The following KDM5A variants were observed in gnomAD, a reference collection of about 807,000 sequenced individuals.
KDM5A encodes the protein lysine-specific demethylase 5A.
KDM5A carries 42 observed loss-of-function variants against 193.5 expected under a neutral mutation model. The observed-to-expected ratio is 0.22, with a 90% confidence interval of 0.17 to 0.28. KDM5A has a LOEUF of 0.28. KDM5A is among the 10% of genes least tolerant of loss of function. KDM5A has a pLI of 1.00. For missense variants in KDM5A, 1,692 were observed against 2,055.1 expected (o/e 0.82, Z 3.42); for synonymous variants, 796 against 718.1 (o/e 1.11, Z -1.73).
chr12:289,423 G>A (rs866273486), intron 27 of KDM5A, among the ~76,000 whole-genome samples: 2 of 151,768 alleles, frequency 1.3e-5, no homozygotes. Context: ...AATAATCAAA[G>A]GAAAAATTAT....
At chr12:347,984 G>T (rs925780998) in intron 10 of KDM5A, among the ~76,000 whole-genome samples, 3 of 152,194 alleles carry the variant, frequency 2.0e-5, no homozygotes, top group Non-Finnish European at 4.4e-5. Context: ...GCAACCTACA[G>T]AAGGGGAGAA....
chr12:311,809 G>A (rs953047409), intron 20 of KDM5A, among the ~76,000 whole-genome samples: 9 of 151,220 alleles, frequency 6.0e-5, no homozygotes, highest in East Asian at 2.0e-4. Flanking sequence ...CAAGACAGGC[G>A]GATCACCTGA....
At chr12:302,876 CA>C in intron 24 of KDM5A, among the ~76,000 whole-genome samples, 1 of 152,298 alleles carries the variant, frequency 6.6e-6, no homozygotes, top group Non-Finnish European at 1.5e-5. Context: ...AGACACTTCT[CA>C]AAAGAAGACA....
intron 3 of KDM5A, among the ~76,000 whole-genome samples, chr12:382,580 T>C (rs938565904): frequency 1.3e-5 from 2 of 152,142 alleles, no homozygotes; most frequent in African/African-American, 4.8e-5. Context: ...AGAAGTTGTT[T>C]TACAAAATTC....
At chr12:384,855 T>C (rs1228791355) in intron 2 of KDM5A, among the ~76,000 whole-genome samples, 4 of 152,192 alleles carry the variant, frequency 2.6e-5, no homozygotes, top group African/African-American at 7.2e-5. Flanking sequence ...GATACTAATA[T>C]GCTTTGTCAA....
chr12:309,603 A>G (rs1036619615), intron 22 of KDM5A, among the ~76,000 whole-genome samples, 200 bp downstream of exon 22: 2 of 152,252 alleles, frequency 1.3e-5, no homozygotes, highest in African/African-American at 4.8e-5. Context: ...TGGAAAAGAC[A>G]ATTTTGGGAA....
At chr12:375,929 C>T (rs2098094) in intron 3 of KDM5A, among the ~76,000 whole-genome samples, 1 of 152,156 alleles carries the variant, frequency 6.6e-6, no homozygotes, top group African/African-American at 2.4e-5. Flanking sequence ...CTGCCTGATC[C>T]TTCCTCTGGA....
At chr12:337,596 G>C (rs371146106) in intron 10 of KDM5A, among the ~76,000 whole-genome samples, 146 of 150,606 alleles carry the variant, frequency 9.7e-4, no homozygotes, top group African/African-American at 3.3e-3. Context: ...GGAAACATAA[G>C]TTTTGAAAAA....
chr12:354,430 AAGCAAGTTAAT>A (rs1252768217), intron 7 of KDM5A, among the ~76,000 whole-genome samples, 196 bp from the exon 8 acceptor site: 37 of 152,204 alleles, frequency 2.4e-4, no homozygotes, highest in South Asian at 4.1e-4. Context: ...GAGTTTTTAC[AAGCAAGTTAAT>A]AGCAAGTTAA....
intron 3 of KDM5A, among the ~76,000 whole-genome samples, chr12:375,389 C>T (rs1192724546): frequency 6.6e-6 from 1 of 152,196 alleles, no homozygotes; most frequent in Non-Finnish European, 1.5e-5. Context: ...GTGCATTCAT[C>T]ACGTAGTTGT....
chr12:377,045 A>T (rs1029389312), intron 3 of KDM5A, among the ~76,000 whole-genome samples: 20 of 151,474 alleles, frequency 1.3e-4, no homozygotes, highest in African/African-American at 4.8e-4. Context: ...AAAAAAAAAA[A>T]GTCTTAAGAA....
chr12:362,309 A>G (rs1386088666), intron 5 of KDM5A, among the ~76,000 whole-genome samples: 2 of 152,082 alleles, frequency 1.3e-5, no homozygotes, highest in Non-Finnish European at 2.9e-5. Context: ...AAAGAAAGAA[A>G]CAAAAGGAAG....
rs974523295 is a variant in KDM5A at position 280,611 on chromosome 12, G to A, written c.*4845C>T. 15 of 232,990 alleles carry A rather than the reference G, an allele frequency of 6.4e-5. No homozygotes were observed. Among genetic ancestry groups the A allele is most frequent in the Non-Finnish European group, 1.3e-4 (15 of 117,986 alleles). 14.4% of individuals were successfully genotyped at this position (232,990 alleles called of 1,614,324 possible). On this transcript the variant is annotated 3_prime_UTR_variant, in exon 28 of 28. Coordinates refer to ENST00000399788, the MANE Select transcript of KDM5A (RefSeq NM_001042603.3). Reference sequence around the variant, plus strand: ...CATAAGCTGGGATCCTTGGCAATGGGGAAAAGGTGCCATTTGCTTCTCTGA... The same window carrying A: ...CATAAGCTGGGATCCTTGGCAATGGAGAAAAGGTGCCATTTGCTTCTCTGA...
intron 2 of KDM5A, among the ~76,000 whole-genome samples, chr12:385,657 T>G (rs989578633): frequency 6.6e-6 from 1 of 152,152 alleles, no homozygotes; most frequent in African/African-American, 2.4e-5. Context: ...AAGTAGAATT[T>G]AAGAATTCTA....
At chr12:386,768 T>G (rs1176119483) in intron 1 of KDM5A, among the ~76,000 whole-genome samples, 1 of 152,174 alleles carries the variant, frequency 6.6e-6, no homozygotes, top group Non-Finnish European at 1.5e-5. Flanking sequence ...TCAACCTGTA[T>G]TGCTCAGAGA....
In KDM5A at chr12:388,306, G is replaced by A. The variant is rs527325012; in HGVS notation, c.165+621C>T. 1,489 of 455,878 alleles carry A rather than the reference G, an allele frequency of 3.3e-3. 32 individuals carry two copies. The highest frequency in any genetic ancestry group is 0.022 in the South Asian group (1,432 of 64,532). The allele number at this position is 455,878 out of a possible 1,614,324, so 28.2% of individuals were successfully genotyped here. A position where few individuals can be genotyped will look rare whatever the true frequency, so the allele number is the denominator to read the frequency against. Reference sequence around the variant, plus strand: ...CAATAACTGTGATTCTAAAATCGTTGATCTTGAGTTCCCTACGTCAAGAGA... The same window carrying A: ...CAATAACTGTGATTCTAAAATCGTTAATCTTGAGTTCCCTACGTCAAGAGA... On this transcript the variant is annotated intron_variant, in intron 1 of 27. Transcript: ENST00000399788.
At chr12:368,117 C>T (rs61907032) in intron 3 of KDM5A, among the ~76,000 whole-genome samples, 5,001 of 152,100 alleles carry the variant, frequency 0.033, 142 homozygotes, top group Non-Finnish European at 0.054. Flanking sequence ...CTGATACATC[C>T]CAAACATGAA....
In KDM5A at chr12:295,583, T is replaced by G. The variant is rs367545238; in HGVS notation, c.4445A>C (p.His1482Pro). 1 of 1,613,938 alleles carries G rather than the reference T, an allele frequency of 6.2e-7. No individual in the cohort carries two copies. The highest frequency in any genetic ancestry group is 2.2e-5 in the East Asian group (1 of 44,870). Reference protein sequence around the residue: ...THPPSEDRFLHIMEDDSMEEK... With the variant: ...THPPSEDRFLPIMEDDSMEEK... ...GTATTAAATCCACACCTCCATGATA[T>G]GCAAGAATCTGTCTTCAGAGGGTGG... The change falls in exon 26 of 28, where the codon CAT becomes CCT. Residue 1482 changes from histidine (H) to proline (P), a missense_variant. Physicochemically the swap from His to Pro is moderately conservative, Grantham distance 77 (BLOSUM62 -2). Coordinates refer to ENST00000399788, the MANE Select transcript of KDM5A (RefSeq NM_001042603.3).
chr12:388,213 A>C (rs773762286), intron 1 of KDM5A: 1 of 450,884 alleles, frequency 2.2e-6, no homozygotes, highest in African/African-American at 2.0e-5. Context: ...CACACAAGGG[A>C]TAGTATCTGT....
Sources: gnomAD v4.1 joint callset for allele counts (sites outside exome capture counted in the v4.1 genomes callset) on GRCh38, gnomAD v4.1.1 for gene constraint, MANE v1.5 for transcripts, NCBI Gene and HGNC (gene_info 2026-07-23, HGNC 2026-07-21) for gene names.